Variants in DIXDC1 observed in about 807,000 individuals in gnomAD.
The protein encoded by DIXDC1 is dixin.
A neutral mutation model predicts 103.1 loss-of-function variants in DIXDC1; 64 were observed. The observed-to-expected ratio is 0.62, with a 90% CI of 0.51 to 0.76. The LOEUF is 0.76. DIXDC1 is among the 30% of genes least tolerant of loss of function. The probability of loss-of-function intolerance (pLI) is 0.00; values close to 1 mark genes in which losing one functional copy is unlikely to be tolerated. For synonymous variants in DIXDC1, 266 were observed against 298.5 expected (o/e 0.89, Z 1.12); for missense variants, 759 against 834.2 (o/e 0.91, Z 1.11).
chr11:111,941,786 C>G (rs1216026793), intron 1 of DIXDC1, among the ~76,000 whole-genome samples: 1 of 151,852 alleles, frequency 6.6e-6, no homozygotes, highest in Non-Finnish European at 1.5e-5. Flanking sequence ...CTACTGTTCT[C>G]CAGCCTGGGC....
At position 111,977,894 on chromosome 11, in the gene DIXDC1, A is replaced by C. The variant is rs1192270558; in HGVS notation, c.657-2843A>C. On this transcript the variant is annotated intron_variant, in intron 5 of 19. Transcript: ENST00000440460. The surrounding 1 kb of genome is among the most constrained non-coding windows in gnomAD (Gnocchi z 6.1). ...GGCCGGAGACAGGCGGGGTGGTGGG[A>C]GCATTATGTTGGGAGGACCGGCTGC... 7 of 1,432,524 alleles carry C rather than the reference A, an allele frequency of 4.9e-6. No individual in the cohort carries two copies. Among genetic ancestry groups the C allele is most frequent in the Non-Finnish European group, 6.5e-6 (7 of 1,084,198 alleles). 88.7% of individuals were successfully genotyped at this position (1,432,524 alleles called of 1,614,324 possible).
chr11:112,014,493 C>T (rs587609306), intron 17 of DIXDC1, among the ~76,000 whole-genome samples: 4 of 152,284 alleles, frequency 2.6e-5, no homozygotes, highest in South Asian at 4.2e-4. Context: ...TTTAGTATCT[C>T]GTGATTTTTA....
intron 10 of DIXDC1, among the ~76,000 whole-genome samples, chr11:111,989,362 C>T (rs990354283): frequency 3.3e-5 from 5 of 152,124 alleles, no homozygotes; most frequent in African/African-American, 9.7e-5. Context: ...CGGTGGCTCA[C>T]GCCTGTAATC....
chr11:111,979,698 C>T (rs781905347), intron 5 of DIXDC1, among the ~76,000 whole-genome samples: 3 of 152,188 alleles, frequency 2.0e-5, no homozygotes, highest in Non-Finnish European at 2.9e-5. Flanking sequence ...CGGTGGCCCA[C>T]GCCTGTAATC....
At chr11:112,006,904 C>T (rs1686317166) in intron 17 of DIXDC1, among the ~76,000 whole-genome samples, 1 of 152,204 alleles carries the variant, frequency 6.6e-6, no homozygotes, top group African/African-American at 2.4e-5. Flanking sequence ...CTCTTCTCCT[C>T]CAAAGGATCG....
chr11:111,966,707 C>T (rs1032698421), intron 2 of DIXDC1, among the ~76,000 whole-genome samples: 2 of 152,136 alleles, frequency 1.3e-5, no homozygotes, highest in Non-Finnish European at 2.9e-5. Context: ...CCAGCCAAAA[C>T]CCAGGTTCTT....
intron 9 of DIXDC1, among the ~76,000 whole-genome samples, 171 bp downstream of exon 9, chr11:111,987,095 G>A (rs903666450): frequency 2.2e-4 from 34 of 152,002 alleles, no homozygotes; most frequent in Admixed American, 1.9e-3. Context: ...CCAAAAATAC[G>A]AAAAATTAGC....
chr11:111,937,058 G>C (rs587685636), upstream of DIXDC1: 2 of 200,914 alleles, frequency 1.0e-5, no homozygotes, highest in African/African-American at 4.9e-5. Context: ...ACATACAGCA[G>C]CACGTTTGCC....
At chr11:111,937,707 CG>C in intron 1 of DIXDC1, 148 bp downstream of exon 1, 1 of 755,216 alleles carries the variant, frequency 1.3e-6, no homozygotes, top group East Asian at 2.9e-5. Flanking sequence ...GTGGTACTTA[CG>C]GTGCAGATGG....
chr11:111,964,761 G>A (rs1183581574), intron 2 of DIXDC1, 83 bp downstream of exon 2: 3 of 1,443,260 alleles, frequency 2.1e-6, no homozygotes, highest in African/African-American at 2.9e-5. Flanking sequence ...TTTAGAGCAG[G>A]TTATTTTTTC....
Position 111,992,538 on chromosome 11 carries a change from C to A in DIXDC1, c.1218+19C>A, listed in dbSNP as rs587752768. 3 of 1,550,026 alleles carry A rather than the reference C, an allele frequency of 1.9e-6. No individual in the cohort carries two copies. The highest frequency in any genetic ancestry group is 1.2e-5 in the South Asian group (1 of 84,034). ...CCAGAATGTGAGTTAAATGAATGAG[C>A]CTTGACCTCAGTGAGCCCCATTAGC... On this transcript the variant is annotated intron_variant, in intron 11 of 19. Coordinates refer to ENST00000440460, the MANE Select transcript of DIXDC1 (RefSeq NM_001037954.4).
intron 1 of DIXDC1, chr11:111,946,666 GT>G: frequency 5.5e-5 from 16 of 290,826 alleles, no homozygotes; most frequent in East Asian, 8.4e-5. Context: ...CAGCCAACAT[GT>G]TTTTTTTCCT....
upstream of DIXDC1, among the ~76,000 whole-genome samples, chr11:111,936,845 AGTGTGTGTGTGT>A (rs57332873): frequency 2.2e-3 from 313 of 140,850 alleles, 1 homozygote; most frequent in Non-Finnish European, 3.9e-3. Context: ...TTAAGTTAGC[AGTGTGTGTGTGT>A]GTGTGTGTGT....
intron 1 of DIXDC1, among the ~76,000 whole-genome samples, chr11:111,945,061 A>G (rs1555169243): frequency 6.6e-6 from 1 of 152,208 alleles, no homozygotes; most frequent in African/African-American, 2.4e-5. Flanking sequence ...GACTCATGGA[A>G]TCCAAGGAAA....
chr11:111,966,228 C>CTTTT (rs71060203), intron 2 of DIXDC1, among the ~76,000 whole-genome samples: 17 of 91,678 alleles, frequency 1.9e-4, no homozygotes, highest in Admixed American at 4.2e-4. Context: ...TTTTTTTTTC[C>CTTTT]TTTTTTTTTT....
chr11:111,961,059 T>TGAGCTTTCATGTGC (rs1859560140), intron 1 of DIXDC1, among the ~76,000 whole-genome samples: 1 of 152,216 alleles, frequency 6.6e-6, no homozygotes, highest in Non-Finnish European at 1.5e-5. Context: ...TTCATGTGCA[T>TGAGCTTTCATGTGC]ATGAATCACC....
chr11:111,971,264 TAA>T (rs1466280433), intron 3 of DIXDC1, among the ~76,000 whole-genome samples: 2 of 152,148 alleles, frequency 1.3e-5, no homozygotes, highest in Non-Finnish European at 2.9e-5. Flanking sequence ...ATAGGGAACT[TAA>T]ATAACAAGCA....
chr11:112,014,780 T>A (rs1861536657), intron 17 of DIXDC1, among the ~76,000 whole-genome samples: 1 of 152,216 alleles, frequency 6.6e-6, no homozygotes, highest in African/African-American at 2.4e-5. Context: ...ATAGCTTTAA[T>A]GTTAAAAGTG....
At chr11:111,999,415 C>T (rs587663516) in intron 17 of DIXDC1, among the ~76,000 whole-genome samples, 3 of 152,262 alleles carry the variant, frequency 2.0e-5, no homozygotes, top group South Asian at 2.1e-4. Context: ...TACTTCACAC[C>T]ATATACAAAA....
Sources: allele counts gnomAD v4.1 joint callset (sites outside exome capture counted in the v4.1 genomes callset), GRCh38; gene constraint gnomAD v4.1.1; non-coding constraint Gnocchi (gnomAD v3.1); transcripts MANE v1.5; gene names NCBI Gene and HGNC (gene_info 2026-07-23, HGNC 2026-07-21).